The following RBM27 variants were observed in gnomAD, a reference collection of about 807,000 sequenced individuals.
RBM27 encodes the protein RNA-binding protein 27.
A neutral mutation model predicts 135.3 loss-of-function variants in RBM27; 22 were observed. The ratio of observed to expected loss-of-function variants is 0.16; its 90% CI spans 0.12 to 0.23. The LOEUF (loss-of-function observed/expected upper bound fraction) is 0.23. Ranked by LOEUF, RBM27 falls within the 10% of genes least tolerant of loss-of-function variation. RBM27 has a pLI of 1.00. For synonymous variants in RBM27, 481 were observed against 442.4 expected, an observed-to-expected ratio of 1.09 and a Z score of -1.10; for missense variants, 1,009 against 1,281.0, an observed-to-expected ratio of 0.79 and a Z score of 3.24.
intron 2 of RBM27, among the ~76,000 whole-genome samples, chr5:146,220,672 C>T (rs1023600801): frequency 1.3e-5 from 2 of 151,738 alleles, no homozygotes; most frequent in Non-Finnish European, 2.9e-5. Context: ...ATATTTTTTC[C>T]TACATTTTAC....
intron 12 of RBM27, among the ~76,000 whole-genome samples, chr5:146,261,101 T>C (rs994475324): frequency 6.6e-6 from 1 of 152,228 alleles, no homozygotes; most frequent in African/African-American, 2.4e-5. Context: ...TTTGGTTCTT[T>C]TCTGCAATCT....
chr5:146,214,342 G>C (rs1756100926), intron 1 of RBM27, among the ~76,000 whole-genome samples: 2 of 152,154 alleles, frequency 1.3e-5, no homozygotes, highest in Admixed American at 1.3e-4. Context: ...TAGTCAAGCA[G>C]TAATGGATTC....
chr5:146,239,019 A>G (rs917661151), intron 8 of RBM27, among the ~76,000 whole-genome samples: 2 of 152,134 alleles, frequency 1.3e-5, no homozygotes, highest in Non-Finnish European at 2.9e-5. Context: ...TATTGTAGTT[A>G]TTATTGTCTC....
chr5:146,211,623 G>A (rs893901533), intron 1 of RBM27, among the ~76,000 whole-genome samples: 1 of 151,210 alleles, frequency 6.6e-6, no homozygotes, highest in Non-Finnish European at 1.5e-5. Context: ...CTGGGATTAC[G>A]GGCATGTGCC....
chr5:146,206,996 G>A (rs1755710700), intron 1 of RBM27, among the ~76,000 whole-genome samples: 1 of 152,126 alleles, frequency 6.6e-6, no homozygotes, highest in Non-Finnish European at 1.5e-5. Context: ...CATCATGGGA[G>A]ATTATTTTTT....
At chr5:146,255,464 G>A (rs1758063304) in intron 10 of RBM27, among the ~76,000 whole-genome samples, 1 of 152,094 alleles carries the variant, frequency 6.6e-6, no homozygotes, top group South Asian at 2.1e-4. Flanking sequence ...GACCTGCTTT[G>A]TATCCTAAGA....
intron 1 of RBM27, among the ~76,000 whole-genome samples, chr5:146,211,485 TTTTTTTTTTA>T (rs1183275305): frequency 7.4e-6 from 1 of 134,792 alleles, no homozygotes; most frequent in African/African-American, 2.9e-5. Context: ...TTTTTTTTTT[TTTTTTTTTTA>T]CTTTGAGAGG....
At chr5:146,223,934 A>G (rs923724508) in intron 3 of RBM27, among the ~76,000 whole-genome samples, 9 of 152,228 alleles carry the variant, frequency 5.9e-5, no homozygotes, top group African/African-American at 2.4e-5. Context: ...AAAATAGTTA[A>G]TGTAATTGTG....
rs995047031 is a variant in RBM27, at chr5:146,288,541, A to G, written c.*2511A>G. 1 of 152,042 alleles carries G rather than the reference A, an allele frequency of 6.6e-6. No homozygotes were observed. The highest frequency in any genetic ancestry group is 1.5e-5 in the Non-Finnish European group (1 of 67,918). 9.4% of individuals were successfully genotyped at this position (152,042 alleles called of 1,614,324 possible). ...CCTTTGGGATTTACTTCCACCATCA[A>G]ATCTTCAACTGTTAGAATTTCACTT... On this transcript the variant is annotated 3_prime_UTR_variant, in exon 21 of 21. Transcript: ENST00000265271.
chr5:146,260,670 A>T, intron 11 of RBM27, 75 bp from the exon 12 acceptor site: 1 of 1,322,110 alleles, frequency 7.6e-7, no homozygotes, highest in African/African-American at 1.5e-5. Context: ...TATAAACCTA[A>T]ATTCTTTGTG....
intron 19 of RBM27, among the ~76,000 whole-genome samples, chr5:146,281,948 A>T: frequency 6.8e-6 from 1 of 146,282 alleles, no homozygotes. Flanking sequence ...TTAATTTGCC[A>T]TTTTTATTAC....
At chr5:146,262,477 T>C (rs1484674726) in intron 13 of RBM27, among the ~76,000 whole-genome samples, 1 of 152,188 alleles carries the variant, frequency 6.6e-6, no homozygotes, top group Non-Finnish European at 1.5e-5. Flanking sequence ...CATATTTGAT[T>C]GAATAGATGA....
intron 1 of RBM27, among the ~76,000 whole-genome samples, chr5:146,207,539 T>C (rs1755742731): frequency 6.6e-6 from 1 of 151,900 alleles, no homozygotes; most frequent in African/African-American, 2.4e-5. Context: ...TCTATTACAT[T>C]TTCTTATTTA....
chr5:146,224,023 G>T (rs947939829), intron 3 of RBM27, among the ~76,000 whole-genome samples: 2 of 152,112 alleles, frequency 1.3e-5, no homozygotes, highest in Non-Finnish European at 2.9e-5. Context: ...GTTATAGATG[G>T]TAACCTAATT....
In RBM27 at chr5:146,269,196, T is replaced by C. The variant is rs1388270936; in HGVS notation, c.2452-11T>C. On this transcript the variant is annotated splice_polypyrimidine_tract_variant and intron_variant, in intron 15 of 20. Coordinates refer to ENST00000265271, the MANE Select transcript of RBM27 (RefSeq NM_018989.2). Reference sequence around the variant, plus strand: ...ACATTATCTGTATTAATTTCTTTTTTACTTATACAGGAAGCAATGAAGTTA... The same window carrying C: ...ACATTATCTGTATTAATTTCTTTTTCACTTATACAGGAAGCAATGAAGTTA... The C allele has an allele frequency of 6.3e-7, 1 of 1,576,500 alleles. No individual in the cohort carries two copies. Among genetic ancestry groups the C allele is most frequent in the African/African-American group, 1.4e-5 (1 of 73,444 alleles).
chr5:146,287,208 C>T lies in RBM27; in HGVS notation c.*1178C>T, dbSNP rs575430459. On this transcript the variant is annotated 3_prime_UTR_variant, in exon 21 of 21. Transcript: ENST00000265271. ...GTCATATATGACTTTGTTCAGATGACCTTATTTTTTCATAATTTTGTAGCT... is the reference window on the plus strand; with the variant it reads ...GTCATATATGACTTTGTTCAGATGATCTTATTTTTTCATAATTTTGTAGCT... 2 of 152,432 alleles carry T rather than the reference C, an allele frequency of 1.3e-5. No homozygotes were observed. Among genetic ancestry groups the T allele is most frequent in the South Asian group, 4.2e-4 (2 of 4,816 alleles). The allele number at this position is 152,432 out of a possible 1,614,324, so 9.4% of individuals were successfully genotyped here. A position where few individuals can be genotyped will look rare whatever the true frequency, so the allele number is the denominator to read the frequency against.
chr5:146,272,500 C>T (rs1379291444), intron 19 of RBM27, among the ~76,000 whole-genome samples: 1 of 152,014 alleles, frequency 6.6e-6, no homozygotes, highest in Non-Finnish European at 1.5e-5. Flanking sequence ...GGTGGATGAC[C>T]TGAGGTCAGT....
At chr5:146,240,002 T>C (rs1561541910) in intron 8 of RBM27, among the ~76,000 whole-genome samples, 1 of 151,848 alleles carries the variant, frequency 6.6e-6, no homozygotes, top group Non-Finnish European at 1.5e-5. Context: ...TGGTCTCAAA[T>C]TTCTGGGCTC....
Position 146,229,762 on chromosome 5 carries a change from C to T in RBM27, c.441C>T (p.Asp147=), listed in dbSNP as rs746630425. ...KREDGKWRDY[D]RYYERNELYR... is the part of the protein sequence containing the mutation. ...AAGACGGGAAATGGAGAGACTATGA[C>T]CGGTACTATGAGCGGAATGAATTGT... Residue 147 remains aspartate, a synonymous_variant, in exon 5 of 21, where the codon GAC becomes GAT. Transcript: ENST00000265271. The T allele has an allele frequency of 6.2e-7, 1 of 1,611,682 alleles. No individual in the cohort carries two copies. Among genetic ancestry groups the T allele is most frequent in the Non-Finnish European group, 8.5e-7 (1 of 1,178,218 alleles).
Sources: allele counts gnomAD v4.1 joint callset (sites outside exome capture counted in the v4.1 genomes callset), GRCh38; gene constraint gnomAD v4.1.1; transcripts MANE v1.5; gene names NCBI Gene and HGNC (gene_info 2026-07-23, HGNC 2026-07-21).